MICAL3: variants seen among roughly 807,000 people sequenced by gnomAD.
MICAL3 encodes microtubule associated monooxygenase, calponin and LIM domain containing 3.
In MICAL3, 62 loss-of-function variants were observed where a neutral mutation model predicts 207.4. The observed-to-expected ratio is 0.30, with a 90% confidence interval of 0.24 to 0.37. The LOEUF (loss-of-function observed/expected upper bound fraction) is 0.37. Ranked by LOEUF, MICAL3 falls within the 10% of genes least tolerant of loss-of-function variation. MICAL3 has a pLI of 1.00. For missense variants in MICAL3, 2,368 were observed against 2,635.6 expected, an observed-to-expected ratio of 0.90 and a Z score of 2.22; for synonymous variants, 1,077 against 1,069.3, an observed-to-expected ratio of 1.01 and a Z score of -0.14.
chr22:17,892,876 C>T (rs1930499061), intron 11 of MICAL3, among the ~76,000 whole-genome samples: 1 of 152,196 alleles, frequency 6.6e-6, no homozygotes, highest in Admixed American at 6.5e-5. Flanking sequence ...GTAGCACCAT[C>T]TACAAACACC....
At chr22:17,948,358 G>C (rs2146352162) in intron 1 of MICAL3, among the ~76,000 whole-genome samples, 1 of 152,310 alleles carries the variant, frequency 6.6e-6, no homozygotes, top group South Asian at 2.1e-4. Flanking sequence ...TCCACCTCTT[G>C]GTAGCTTGTT....
intron 20 of MICAL3, among the ~76,000 whole-genome samples, chr22:17,833,217 C>T (rs35181588): frequency 0.24 from 36,128 of 152,222 alleles, 5,138 homozygotes; most frequent in Non-Finnish European, 0.32. Context: ...CTCCAATACA[C>T]GCAAAACCCC....
chr22:18,021,879 G>A (rs200231227), intron 1 of MICAL3, among the ~76,000 whole-genome samples: 2 of 152,112 alleles, frequency 1.3e-5, no homozygotes, highest in African/African-American at 2.4e-5. Context: ...TGACTGAGCC[G>A]TGCCCAAGAG....
chr22:17,823,201 G>C lies in MICAL3; in HGVS notation c.3194-141C>G, dbSNP rs1423156632. 7.8e-6 allele frequency: 5 copies of C among 640,890 alleles called. No individual in the cohort carries two copies. In the East Asian group the frequency reaches 1.1e-4, roughly 15 times the overall value. 39.7% of individuals were successfully genotyped at this position (640,890 alleles called of 1,614,324 possible). A position where few individuals can be genotyped will look rare whatever the true frequency, so the allele number is the denominator to read the frequency against. ...AGAGGGGAGATGCTGCCAGGCCCAG[G>C]GGGCTCTCCACACGTAGCATGGGTG... On this transcript the variant is annotated intron_variant, in intron 22 of 31. Coordinates refer to ENST00000441493, the MANE Select transcript of MICAL3 (RefSeq NM_015241.3).
At chr22:17,970,062 G>A (rs896881359) in intron 1 of MICAL3, among the ~76,000 whole-genome samples, 2 of 152,220 alleles carry the variant, frequency 1.3e-5, no homozygotes, top group Non-Finnish European at 2.9e-5. Context: ...GAGGGACTGG[G>A]CCGTTGCTCC....
chr22:18,006,849 A>C (rs559343991), intron 1 of MICAL3, among the ~76,000 whole-genome samples: 64 of 152,260 alleles, frequency 4.2e-4, no homozygotes, highest in African/African-American at 1.4e-3. Context: ...CACACACAAA[A>C]AAATTCTGAT....
chr22:17,982,452 C>A (rs1414426624), intron 1 of MICAL3, among the ~76,000 whole-genome samples: 2 of 152,156 alleles, frequency 1.3e-5, no homozygotes, highest in Non-Finnish European at 2.9e-5. Flanking sequence ...GTGGGTGGAT[C>A]ACGAGGAAAG....
At chr22:17,804,367 C>T (rs1006089503) in intron 29 of MICAL3, among the ~76,000 whole-genome samples, 7 of 152,200 alleles carry the variant, frequency 4.6e-5, no homozygotes, top group African/African-American at 7.2e-5. Context: ...GGAATTCCCA[C>T]GACCCCACTG....
At chr22:17,968,927 C>CA (rs1935279697) in intron 1 of MICAL3, among the ~76,000 whole-genome samples, 2 of 151,948 alleles carry the variant, frequency 1.3e-5, no homozygotes, top group Non-Finnish European at 1.5e-5. Context: ...TTAACCAATG[C>CA]AAAAAATGGT....
At chr22:17,968,580 A>C (rs911608620) in intron 1 of MICAL3, among the ~76,000 whole-genome samples, 1 of 152,200 alleles carries the variant, frequency 6.6e-6, no homozygotes, top group African/African-American at 2.4e-5. Context: ...AGGTTCAAAT[A>C]AACAACCAAC....
chr22:17,808,329 C>T (rs892563095), intron 29 of MICAL3, among the ~76,000 whole-genome samples: 1 of 152,250 alleles, frequency 6.6e-6, no homozygotes, highest in African/African-American at 2.4e-5. Flanking sequence ...TCAGCAGACA[C>T]AGGGCCTGGG....
chr22:17,952,929 ATG>A (rs1934419476), intron 1 of MICAL3, among the ~76,000 whole-genome samples: 3 of 152,184 alleles, frequency 2.0e-5, no homozygotes, highest in Admixed American at 1.3e-4. Flanking sequence ...CATATGTAAA[ATG>A]CCTTTTACCG....
intron 24 of MICAL3, 142 bp from the exon 25 acceptor site, chr22:17,821,651 A>T: frequency 2.8e-6 from 2 of 711,600 alleles, no homozygotes; most frequent in East Asian, 5.7e-5. Flanking sequence ...TGGAAAGCAC[A>T]GGTTCTCTCA....
At chr22:17,809,996 C>G (rs2062026364) in intron 28 of MICAL3, among the ~76,000 whole-genome samples, 1 of 151,038 alleles carries the variant, frequency 6.6e-6, no homozygotes, top group East Asian at 1.9e-4. Flanking sequence ...TCAAGCGATT[C>G]TCGTGCCTCA....
In MICAL3 at chr22:18,016,879, G is replaced by A. The variant is rs147798051; in HGVS notation, c.-75+7402C>T. ...GGCGTGAACCCGGGAGGCGGAGCTC[G>A]CAGTGAACCAAGATTGCTTCACTGC... On this transcript the variant is annotated intron_variant, in intron 1 of 31. Transcript: ENST00000441493. Among the ~76,000 whole-genome samples, 780 of 151,898 alleles carry A rather than the reference G, an allele frequency of 5.1e-3. 11 individuals are homozygous for A. Among genetic ancestry groups the A allele is most frequent in the African/African-American group, 0.018 (740 of 41,402 alleles).
At chr22:17,798,962 C>T (rs1601922127) in intron 29 of MICAL3, among the ~76,000 whole-genome samples, 1 of 151,994 alleles carries the variant, frequency 6.6e-6, no homozygotes, top group Non-Finnish European at 1.5e-5. Context: ...TGGGAGCCAC[C>T]GTGCCCGGCC....
chr22:17,837,355 C>T (rs1385125097), intron 20 of MICAL3, among the ~76,000 whole-genome samples: 1 of 152,242 alleles, frequency 6.6e-6, no homozygotes, highest in Non-Finnish European at 1.5e-5. Context: ...GACAGCAACG[C>T]CTGCCATCCA....
At chr22:17,876,070 C>T (rs1569108423) in intron 16 of MICAL3, among the ~76,000 whole-genome samples, 1 of 152,204 alleles carries the variant, frequency 6.6e-6, no homozygotes, top group Non-Finnish European at 1.5e-5. Flanking sequence ...GCATCTCTTC[C>T]TTCCACTTAG....
rs145091409 is a variant in MICAL3, at chr22:17,893,727, C to A, written c.1546+81G>T. 1,355 of 1,056,872 alleles carry A rather than the reference C, an allele frequency of 1.3e-3. 1 individual carries two copies. Among genetic ancestry groups the A allele is most frequent in the Admixed American group, 3.4e-3 (170 of 49,660 alleles). 65.5% of individuals were successfully genotyped at this position (1,056,872 alleles called of 1,614,324 possible). On this transcript the variant is annotated intron_variant, in intron 11 of 31. Coordinates refer to ENST00000441493, the MANE Select transcript of MICAL3 (RefSeq NM_015241.3). Reference sequence around the variant, plus strand: ...CAGTACTTCGGCCACTGCCTCGGACCGCACCTTGTGGCTCAGGGAATGAGT... The same window carrying A: ...CAGTACTTCGGCCACTGCCTCGGACAGCACCTTGTGGCTCAGGGAATGAGT...
Sources: gnomAD v4.1 joint callset for allele counts (sites outside exome capture counted in the v4.1 genomes callset) on GRCh38, gnomAD v4.1.1 for gene constraint, MANE v1.5 for transcripts, NCBI Gene and HGNC (gene_info 2026-07-23, HGNC 2026-07-21) for gene names.